Variants in CACNB4 observed in about 807,000 individuals in gnomAD.
CACNB4 encodes calcium voltage-gated channel auxiliary subunit beta 4, also known as voltage-dependent L-type calcium channel subunit beta-4.
CACNB4 carries 32 observed loss-of-function variants against 71.2 expected under a neutral mutation model. The ratio of observed to expected loss-of-function variants is 0.45; its 90% CI spans 0.34 to 0.60. The LOEUF is 0.60. CACNB4 is among the 20% of genes least tolerant of loss of function. The probability of loss-of-function intolerance (pLI) is 0.01; values close to 1 mark genes in which losing one functional copy is unlikely to be tolerated. For missense variants in CACNB4, 464 were observed against 647.9 expected, an observed-to-expected ratio of 0.72 and a Z score of 3.08; for synonymous variants, 231 against 236.9, an observed-to-expected ratio of 0.97 and a Z score of 0.23.
intron 2 of CACNB4, among the ~76,000 whole-genome samples, chr2:151,985,327 TATTACA>T (rs1181386578): frequency 2.0e-5 from 3 of 152,188 alleles, no homozygotes; most frequent in Non-Finnish European, 4.4e-5. Context: ...AAACATAATT[TATTACA>T]ATTACAAACT....
chr2:151,952,594 T>C (rs888569382), intron 2 of CACNB4, among the ~76,000 whole-genome samples: 1 of 152,114 alleles, frequency 6.6e-6, no homozygotes. Context: ...TTAAAACTAA[T>C]AATATGCCTT....
chr2:151,960,107 CCAAG>C (rs2099869270), intron 2 of CACNB4, among the ~76,000 whole-genome samples: 1 of 152,168 alleles, frequency 6.6e-6, no homozygotes, highest in African/African-American at 2.4e-5. Context: ...ATGAAACAAT[CCAAG>C]CAGTCTTCAT....
chr2:151,893,449 T>A (rs2099851233), intron 2 of CACNB4, among the ~76,000 whole-genome samples: 1 of 152,146 alleles, frequency 6.6e-6, no homozygotes, highest in Non-Finnish European at 1.5e-5. Flanking sequence ...GCCATGATGA[T>A]CAGACTGATC....
At chr2:151,878,801 A>G (rs573350125) in intron 4 of CACNB4, among the ~76,000 whole-genome samples, 1 of 150,642 alleles carries the variant, frequency 6.6e-6, no homozygotes, top group Non-Finnish European at 1.5e-5. Flanking sequence ...GCTACTTGGG[A>G]GGCTGAGGCT....
At chr2:152,024,422 C>T (rs1189713453) in intron 2 of CACNB4, among the ~76,000 whole-genome samples, 1 of 152,202 alleles carries the variant, frequency 6.6e-6, no homozygotes, top group Non-Finnish European at 1.5e-5. Flanking sequence ...ATTTAGCTGA[C>T]AATGGCTACT....
Position 152,001,526 on chromosome 2 carries a change from T to TAAAAAA in CACNB4, c.147+96798_147+96803dup, listed in dbSNP as rs70974816. 3.0e-3 allele frequency among the ~76,000 whole-genome samples: 105 copies of TAAAAAA among 35,488 alleles called. 1 individual carries two copies. The highest frequency in any genetic ancestry group is 0.031 in the Middle Eastern group (1 of 32). 23.3% of individuals were successfully genotyped at this position (35,488 alleles called of 152,430 possible). On this transcript the variant is annotated intron_variant, in intron 2 of 13. Transcript: ENST00000539935. ...CAACATGGTGAAACCCCATCTCTAC[T>TAAAAAA]AAAAAAAAAAAAAAAAAAAAAAAAA...
chr2:152,065,730 TA>T (rs1231159040), intron 2 of CACNB4, among the ~76,000 whole-genome samples: 2 of 152,150 alleles, frequency 1.3e-5, no homozygotes, highest in Admixed American at 1.3e-4. Context: ...GTCCTCACAT[TA>T]AGCCTAAAAT....
chr2:151,977,548 G>C (rs1194638133), intron 2 of CACNB4, among the ~76,000 whole-genome samples: 2 of 152,312 alleles, frequency 1.3e-5, no homozygotes, highest in South Asian at 2.1e-4. Flanking sequence ...ATTGACAGTA[G>C]AGTACAAAGG....
intron 2 of CACNB4, among the ~76,000 whole-genome samples, chr2:151,963,914 CA>C (rs2099870304): frequency 6.6e-6 from 1 of 151,626 alleles, no homozygotes; most frequent in Non-Finnish European, 1.5e-5. Flanking sequence ...ACTAAAAATA[CA>C]AAAATTAGCT....
intron 2 of CACNB4, among the ~76,000 whole-genome samples, chr2:151,983,280 C>A (rs866808788): frequency 6.6e-6 from 1 of 152,154 alleles, no homozygotes; most frequent in African/African-American, 2.4e-5. Flanking sequence ...TATCCGCCAC[C>A]TTTTAGCCAA....
intron 2 of CACNB4, among the ~76,000 whole-genome samples, chr2:152,010,096 G>A (rs751858729): frequency 1.3e-5 from 2 of 152,164 alleles, no homozygotes; most frequent in African/African-American, 2.4e-5. Flanking sequence ...CAGATGTTGC[G>A]CTAACCTTTA....
In CACNB4 at chr2:152,022,146, T is replaced by C. The variant is rs867192699; in HGVS notation, c.147+76184A>G. ...CTTTGGCAATCGGCTTATTGCCTATTACTTGCATCTCTCCCCTTCAACCAC... is the reference window on the plus strand; with the variant it reads ...CTTTGGCAATCGGCTTATTGCCTATCACTTGCATCTCTCCCCTTCAACCAC... On this transcript the variant is annotated intron_variant, in intron 2 of 13. Transcript: ENST00000539935. Among the ~76,000 whole-genome samples, 47 of 152,202 alleles carry C rather than the reference T, an allele frequency of 3.1e-4. 1 individual carries two copies. Among genetic ancestry groups the C allele is most frequent in the African/African-American group, 9.4e-4 (39 of 41,448 alleles).
At chr2:151,913,668 A>C (rs2099856787) in intron 2 of CACNB4, among the ~76,000 whole-genome samples, 1 of 149,598 alleles carries the variant, frequency 6.7e-6, no homozygotes. Context: ...CAGGAGGCTG[A>C]GGCAGGCGAA....
At chr2:152,050,488 A>G (rs1009924226) in intron 2 of CACNB4, among the ~76,000 whole-genome samples, 4 of 152,210 alleles carry the variant, frequency 2.6e-5, no homozygotes, top group Non-Finnish European at 4.4e-5. Flanking sequence ...AAAGTCGTTC[A>G]GACCATTAAC....
chr2:152,049,965 C>T (rs535846965), intron 2 of CACNB4, among the ~76,000 whole-genome samples: 1 of 152,370 alleles, frequency 6.6e-6, no homozygotes, highest in African/African-American at 2.4e-5. Flanking sequence ...TGCATCTCAA[C>T]CAACCAGACC....
intron 4 of CACNB4, 48 bp from the exon 5 acceptor site, chr2:151,876,604 C>A: frequency 8.4e-7 from 1 of 1,185,210 alleles, no homozygotes. Flanking sequence ...CACTTATCTT[C>A]ACGTTGTTTA....
chr2:152,062,369 C>T (rs541792900), intron 2 of CACNB4, among the ~76,000 whole-genome samples: 1 of 152,304 alleles, frequency 6.6e-6, no homozygotes, highest in East Asian at 1.9e-4. Flanking sequence ...TTGAGACCAA[C>T]ACTTCACTGA....
intron 7 of CACNB4, 78 bp from the exon 8 acceptor site, chr2:151,870,689 T>A (rs2099844402): frequency 1.5e-6 from 2 of 1,333,890 alleles, no homozygotes; most frequent in East Asian, 4.8e-5. Context: ...CATAATTTCA[T>A]AATTCTCAGG....
chr2:152,074,947 C>T (rs1376976079), intron 2 of CACNB4, among the ~76,000 whole-genome samples: 1 of 152,088 alleles, frequency 6.6e-6, no homozygotes. Flanking sequence ...CATCATCACT[C>T]TAGGATGTTC....
Sources: gnomAD v4.1 joint callset for allele counts (sites outside exome capture counted in the v4.1 genomes callset) on GRCh38, gnomAD v4.1.1 for gene constraint, MANE v1.5 for transcripts, NCBI Gene and HGNC (gene_info 2026-07-23, HGNC 2026-07-21) for gene names.